The following ERBB4 variants were observed in gnomAD, a reference collection of about 807,000 sequenced individuals.
ERBB4 encodes the protein receptor tyrosine-protein kinase erbB-4.
In ERBB4, 42 loss-of-function variants were observed where a neutral mutation model predicts 158.0. The ratio of observed to expected loss-of-function variants is 0.27; its 90% CI spans 0.21 to 0.34. The LOEUF is 0.34. Among genes scored for constraint, ERBB4 ranks in the 10% least tolerant of loss-of-function variants. ERBB4 has a pLI of 1.00. For missense variants in ERBB4, 1,333 were observed against 1,624.1 expected (o/e 0.82, Z 3.08); for synonymous variants, 583 against 558.7 (o/e 1.04, Z -0.61).
chr2:211,907,486 G>A (rs767570214), intron 3 of ERBB4, among the ~76,000 whole-genome samples: 1 of 150,928 alleles, frequency 6.6e-6, no homozygotes, highest in Admixed American at 6.6e-5. Context: ...GACCATATAA[G>A]CCTATCAAAC....
intron 1 of ERBB4, among the ~76,000 whole-genome samples, chr2:212,403,475 C>T (rs576452494): frequency 6.6e-6 from 1 of 151,974 alleles, no homozygotes; most frequent in East Asian, 1.9e-4. Flanking sequence ...TTTACAATAT[C>T]CAAGATATGA....
chr2:212,074,864 T>G lies in ERBB4; in HGVS notation c.234+49888A>C, dbSNP rs558536296. Among the ~76,000 whole-genome samples, 383 of 152,122 alleles carry G rather than the reference T, an allele frequency of 2.5e-3. 1 individual carries two copies. Among genetic ancestry groups the G allele is most frequent in the African/African-American group, 8.9e-3 (368 of 41,544 alleles). The stretch of plus-strand genomic sequence containing the variant: ...TGTCCTAGCGCAACCATCTGCCCAG[T>G]GCCTTAGTCTCCTTTCCTCTAACCA... On this transcript the variant is annotated intron_variant, in intron 2 of 27. Transcript: ENST00000342788.
At chr2:211,677,648 G>A (rs2072135485) in intron 13 of ERBB4, among the ~76,000 whole-genome samples, 1 of 151,494 alleles carries the variant, frequency 6.6e-6, no homozygotes, top group Admixed American at 6.6e-5. Flanking sequence ...GCTGAGGCAG[G>A]TGGATCACGA....
At chr2:211,761,983 A>T (rs1228217238) in intron 4 of ERBB4, among the ~76,000 whole-genome samples, 1 of 152,234 alleles carries the variant, frequency 6.6e-6, no homozygotes, top group Non-Finnish European at 1.5e-5. Flanking sequence ...TTCTTCATTA[A>T]GAAAATACAG....
At chr2:212,482,093 G>C (rs1689731993) in intron 1 of ERBB4, among the ~76,000 whole-genome samples, 1 of 152,168 alleles carries the variant, frequency 6.6e-6, no homozygotes, top group Non-Finnish European at 1.5e-5. Flanking sequence ...TGAACATTTA[G>C]AGTAAATTTC....
intron 1 of ERBB4, among the ~76,000 whole-genome samples, chr2:212,339,302 T>C (rs1213485158): frequency 6.6e-6 from 1 of 152,182 alleles, no homozygotes; most frequent in Non-Finnish European, 1.5e-5. Flanking sequence ...CTGAGGATAA[T>C]GGCTTCCAGC....
intron 2 of ERBB4, among the ~76,000 whole-genome samples, chr2:212,074,169 T>C (rs1452221720): frequency 1.3e-5 from 2 of 152,014 alleles, no homozygotes; most frequent in Admixed American, 1.3e-4. Context: ...CTTTTAGCTG[T>C]AGCCAATAAG....
chr2:212,003,212 A>AG (rs1559294152), intron 2 of ERBB4, among the ~76,000 whole-genome samples: 1,639 of 40,286 alleles, frequency 0.041, 150 homozygotes, highest in East Asian at 0.15. Flanking sequence ...AAAGACAGAA[A>AG]GAAGGAAGGA....
chr2:212,296,415 T>C (rs928099107), intron 1 of ERBB4, among the ~76,000 whole-genome samples: 9 of 151,990 alleles, frequency 5.9e-5, no homozygotes, highest in Non-Finnish European at 1.0e-4. Context: ...AAAAAGACAT[T>C]GACATATTCA....
intron 1 of ERBB4, among the ~76,000 whole-genome samples, chr2:212,160,836 G>T (rs181556256): frequency 4.1e-4 from 62 of 152,006 alleles, no homozygotes; most frequent in African/African-American, 1.5e-3. Context: ...TGAGATATCC[G>T]CACAAATGTA....
chr2:212,125,045 T>G, intron 1 of ERBB4, 142 bp from the exon 2 acceptor site: 2 of 934,646 alleles, frequency 2.1e-6, no homozygotes, highest in Non-Finnish European at 3.3e-6. Flanking sequence ...TTAAGAGGCA[T>G]AGACCCACGC....
rs78517184 is a variant in ERBB4, at chr2:211,969,051, A to C, written c.235-21435T>G. Among the ~76,000 whole-genome samples the C allele has an allele frequency of 5.1e-4, 77 of 152,166 alleles. 1 individual carries two copies. The highest frequency in any genetic ancestry group is 1.4e-3 in the Admixed American group (22 of 15,260). ...AAATAGAGAATAAGCATTAAAAACC[A>C]CAGGACACAAAATTCTTGAATCAAA... On this transcript the variant is annotated intron_variant, in intron 2 of 27. Transcript: ENST00000342788.
At position 211,665,323 on chromosome 2, in the gene ERBB4, C is replaced by T. The variant is rs1387086481; in HGVS notation, c.1871G>A (p.Gly624Glu). ...GCCCTTGGCCAGCAAGAATGCTTAC[C>T]CTTGGGTGCAGTTTGGATGGCATGG... Reference protein sequence around the residue: ...CHPCHPNCTQGCNGPTSHDCI... With the variant: ...CHPCHPNCTQECNGPTSHDCI... Residue 624 changes from glycine to glutamate, a missense_variant and splice_region_variant, in exon 15 of 28, where the codon GGG (glycine) becomes GAG (glutamate). By Grantham distance (98) the Gly-to-Glu change is moderately conservative (BLOSUM62 -2). This residue lies in a region of ERBB4 where 245 missense variants were observed against 247.5 expected (regional missense o/e 0.99). Transcript: ENST00000342788. The T allele has an allele frequency of 6.2e-7, 1 of 1,613,850 alleles. No homozygotes were observed. Among genetic ancestry groups the T allele is most frequent in the Non-Finnish European group, 8.5e-7 (1 of 1,179,924 alleles).
At chr2:211,725,385 T>C (rs1292233438) in intron 5 of ERBB4, among the ~76,000 whole-genome samples, 191 bp from the exon 6 acceptor site, 1 of 152,210 alleles carries the variant, frequency 6.6e-6, no homozygotes, top group Admixed American at 6.5e-5. Flanking sequence ...ATTTCATTTT[T>C]ATATTCTTTC....
rs544505260 is a variant in ERBB4, at chr2:211,458,424, G to A, written c.2488-27324C>T. On this transcript the variant is annotated intron_variant, in intron 20 of 27. Coordinates refer to ENST00000342788, the MANE Select transcript of ERBB4 (RefSeq NM_005235.3). ...TGGGATTACAGGCACGTGCCATCACGCACGGCTAATTTTTTGTATTTTAGT... is the reference window on the plus strand; with the variant it reads ...TGGGATTACAGGCACGTGCCATCACACACGGCTAATTTTTTGTATTTTAGT... Among the ~76,000 whole-genome samples the A allele has an allele frequency of 1.3e-4, 20 of 152,062 alleles. No homozygotes were observed. In the South Asian group the frequency reaches 1.7e-3, roughly 13 times the overall value.
chr2:211,543,633 A>G (rs2125688211), intron 20 of ERBB4, among the ~76,000 whole-genome samples: 1 of 152,026 alleles, frequency 6.6e-6, no homozygotes, highest in East Asian at 1.9e-4. Flanking sequence ...TATTTGAGTG[A>G]TGATAATCAA....
chr2:211,503,678 G>A (rs920122864), intron 20 of ERBB4, among the ~76,000 whole-genome samples: 1 of 152,156 alleles, frequency 6.6e-6, no homozygotes, highest in African/African-American at 2.4e-5. Context: ...GCTGGATGCT[G>A]GAAGGAGATC....
chr2:211,563,774 A>G (rs1021232622), intron 19 of ERBB4, among the ~76,000 whole-genome samples: 3 of 150,162 alleles, frequency 2.0e-5, no homozygotes, highest in African/African-American at 7.6e-5. Context: ...AGGGAGGGAG[A>G]GAGATATATA....
chr2:212,202,930 T>G (rs1310362585), intron 1 of ERBB4, among the ~76,000 whole-genome samples: 2 of 151,706 alleles, frequency 1.3e-5, no homozygotes, highest in Non-Finnish European at 2.9e-5. Context: ...TTAATAGTAT[T>G]ACATTAATAA....
Sources: allele counts gnomAD v4.1 joint callset (sites outside exome capture counted in the v4.1 genomes callset), GRCh38; gene constraint gnomAD v4.1.1; regional missense constraint gnomAD v4.1.1; transcripts MANE v1.5; gene names NCBI Gene and HGNC (gene_info 2026-07-23, HGNC 2026-07-21).